ANP32E: variants seen among roughly 807,000 people sequenced by gnomAD.
The protein encoded by ANP32E is acidic nuclear phosphoprotein 32 family member E, also known as acidic leucine-rich nuclear phosphoprotein 32 family member E.
A neutral mutation model predicts 35.3 loss-of-function variants in ANP32E; 14 were observed. That is an observed-to-expected ratio of 0.40 (90% confidence interval 0.26 to 0.62). The LOEUF (loss-of-function observed/expected upper bound fraction) is 0.62. Among genes scored for constraint, ANP32E ranks in the 20% least tolerant of loss-of-function variants. The probability of loss-of-function intolerance (pLI) is 0.45; values close to 1 mark genes in which losing one functional copy is unlikely to be tolerated. For synonymous variants in ANP32E, 89 were observed against 110.4 expected (o/e 0.81, Z 1.22); for missense variants, 198 against 304.4 (o/e 0.65, Z 2.60).
intron 5 of ANP32E, among the ~76,000 whole-genome samples, chr1:150,225,434 C>A (rs587709973): frequency 2.0e-5 from 3 of 151,978 alleles, no homozygotes; most frequent in African/African-American, 7.2e-5. Context: ...CTGTGGGATG[C>A]CAAGGTGGGC....
intron 3 of ANP32E, 30 bp downstream of exon 3, chr1:150,230,540 GC>G (rs1421596603): frequency 6.5e-7 from 1 of 1,528,406 alleles, no homozygotes; most frequent in Non-Finnish European, 8.8e-7. Context: ...ACCAAAAAAA[GC>G]AAGTCCAGAG....
intron 5 of ANP32E, among the ~76,000 whole-genome samples, chr1:150,223,568 C>G (rs1553838790): frequency 6.6e-6 from 1 of 150,394 alleles, no homozygotes; most frequent in Non-Finnish European, 1.5e-5. Flanking sequence ...GTAATCCCAG[C>G]TACTCGGGAG....
At position 150,220,746 on chromosome 1, in the gene ANP32E, C is replaced by A; in HGVS notation, c.752G>T (p.Arg251Leu). 1 of 1,613,784 alleles carries A rather than the reference C, an allele frequency of 6.2e-7. No homozygotes were observed. Among genetic ancestry groups the A allele is most frequent in the Non-Finnish European group, 8.5e-7 (1 of 1,179,814 alleles). ...EEEEEEEGGL[R>L]GEKRKRDAED... ...AGCATCTCGTTTCCTCTTCTCCCCT[C>A]GAAGACCTCCTTCTTCTTAAAGAGT... The change falls in exon 7 of 7, where the codon CGA becomes CTA. Residue 251 changes from arginine (R) to leucine (L), a missense_variant. Around this residue, in one of 4 missense-constraint regions of ANP32E, gnomAD observed 121 missense variants for 137.3 expected, o/e 0.88. Transcript: ENST00000583931.
intron 1 of ANP32E, chr1:150,234,800 G>A (rs1649647179): frequency 2.6e-6 from 1 of 378,996 alleles, no homozygotes; most frequent in Non-Finnish European, 3.6e-6. Flanking sequence ...AAAAGGAGGC[G>A]GAAACGCCTC....
At chr1:150,234,775 G>T (rs978572023) in intron 1 of ANP32E, 2 of 643,330 alleles carry the variant, frequency 3.1e-6, no homozygotes, top group Non-Finnish European at 3.9e-6. Context: ...AGGTGAGGCC[G>T]AGAAGGCAAC....
chr1:150,221,080 A>C (rs1648313267), intron 6 of ANP32E, among the ~76,000 whole-genome samples: 1 of 127,478 alleles, frequency 7.8e-6, no homozygotes, highest in Non-Finnish European at 1.6e-5. Context: ...GCGCCACTGC[A>C]CTCCAGCCTG....
In ANP32E at chr1:150,219,550, C is replaced by T. The variant is rs1466363636; in HGVS notation, c.*1141G>A. ...GTGGTATCCAAATCATTTGAGAGGC[C>T]AACATTAAAATTTGACTTTAATGTC... is the stretch of plus-strand genomic sequence containing the variant. On this transcript the variant is annotated 3_prime_UTR_variant, in exon 7 of 7. Coordinates refer to ENST00000583931, the MANE Select transcript of ANP32E (RefSeq NM_030920.5). 1 of 151,978 alleles carries T rather than the reference C, an allele frequency of 6.6e-6. No individual in the cohort carries two copies. The highest frequency in any genetic ancestry group is 2.4e-5 in the African/African-American group (1 of 41,346). 9.4% of individuals were successfully genotyped at this position (151,978 alleles called of 1,614,324 possible).
At chr1:150,228,831 T>A (rs1649099215) in intron 4 of ANP32E, among the ~76,000 whole-genome samples, 1 of 152,198 alleles carries the variant, frequency 6.6e-6, no homozygotes, top group African/African-American at 2.4e-5. Context: ...TGTACAACTT[T>A]CTACAGATAT....
rs1648283166 is a variant in ANP32E at position 150,220,763 on chromosome 1, T to C, written c.737-2A>G. ...TCTCCCCTCGAAGACCTCCTTCTTC[T>C]TAAAGAGTGGAAAGAAAAATGCAAA... On this transcript the variant is annotated splice_acceptor_variant, in intron 6 of 6. Transcript: ENST00000583931. LOFTEE classifies it high-confidence loss of function. The C allele has an allele frequency of 6.2e-7, 1 of 1,612,952 alleles. No homozygotes were observed. Among genetic ancestry groups the C allele is most frequent in the Non-Finnish European group, 8.5e-7 (1 of 1,179,298 alleles).
intron 6 of ANP32E, among the ~76,000 whole-genome samples, chr1:150,221,192 C>T (rs1271920187): frequency 2.7e-5 from 4 of 147,084 alleles, no homozygotes; most frequent in African/African-American, 1.0e-4. Flanking sequence ...AATTCCAATA[C>T]CTTGGGAGGC....
At chr1:150,228,008 C>T (rs1274282469) in intron 4 of ANP32E, among the ~76,000 whole-genome samples, 1 of 151,494 alleles carries the variant, frequency 6.6e-6, no homozygotes, top group African/African-American at 2.4e-5. Context: ...CATCAAGCAA[C>T]CAATAATCTA....
intron 2 of ANP32E, 130 bp downstream of exon 2, chr1:150,231,646 AT>A (rs113913866): frequency 0.27 from 251,602 of 923,000 alleles, 40,156 homozygotes; most frequent in East Asian, 0.54. Flanking sequence ...AAAATCCTAT[AT>A]AACTTTTTCT....
intron 6 of ANP32E, among the ~76,000 whole-genome samples, chr1:150,221,369 G>C (rs1553837812): frequency 6.7e-6 from 1 of 150,154 alleles, no homozygotes; most frequent in African/African-American, 2.5e-5. Flanking sequence ...AACCCAGGAG[G>C]CAGAGGCTGC....
chr1:150,224,375 C>A (rs1211596791), intron 5 of ANP32E, among the ~76,000 whole-genome samples: 1 of 152,008 alleles, frequency 6.6e-6, no homozygotes, highest in Non-Finnish European at 1.5e-5. Flanking sequence ...GAGTTCAAGA[C>A]CAGCCTGGCC....
At chr1:150,229,298 C>A in intron 3 of ANP32E, 61 bp from the exon 4 acceptor site, 18 of 429,528 alleles carry the variant, frequency 4.2e-5, no homozygotes, top group Middle Eastern at 7.9e-4. Flanking sequence ...TTTCTTTTTT[C>A]TTTTTTTTTT....
chr1:150,234,902 A>G (rs2101800533), intron 1 of ANP32E, among the ~76,000 whole-genome samples: 1 of 152,322 alleles, frequency 6.6e-6, no homozygotes, highest in African/African-American at 2.4e-5. Flanking sequence ...AGAGCGCATC[A>G]TTTAGTTTCG....
rs1280700524 is a variant in ANP32E at position 150,230,133 on chromosome 1, C to A, written c.327+438G>T. On this transcript the variant is annotated intron_variant, in intron 3 of 6. Coordinates refer to ENST00000583931, the MANE Select transcript of ANP32E (RefSeq NM_030920.5). The stretch of plus-strand genomic sequence containing the variant: ...GACTCAAGCGATCCTCCCACCTCTG[C>A]CTCTCCAAGTGCTGGGATTACAGAC... Among the ~76,000 whole-genome samples, 3 of 152,122 alleles carry A rather than the reference C, an allele frequency of 2.0e-5. No individual in the cohort carries two copies. In the East Asian group the frequency reaches 5.8e-4, roughly 29 times the overall value.
In ANP32E at chr1:150,235,574, A is replaced by G. The variant is rs1360807624; in HGVS notation, c.54+159T>C. 2.0e-5 allele frequency among the ~76,000 whole-genome samples: 3 copies of G among 152,216 alleles called. No individual in the cohort carries two copies. Among genetic ancestry groups the G allele is most frequent in the Non-Finnish European group, 4.4e-5 (3 of 68,034 alleles). ...TCGCCATTTTAAGTAGAAGATTTTA[A>G]TGATTTAAAACTTAAAATTAAACAT... is the stretch of plus-strand genomic sequence containing the variant. On this transcript the variant is annotated intron_variant, in intron 1 of 6. Coordinates refer to ENST00000583931, the MANE Select transcript of ANP32E (RefSeq NM_030920.5). This position sits in a 1 kb window ranked among gnomAD's most constrained non-coding sequence, Gnocchi z 4.2.
At position 150,221,592 on chromosome 1, in the gene ANP32E, G is replaced by GGAAGGAAGGAAGGAA. The variant is rs1572005686; in HGVS notation, c.737-832_737-831insTTCCTTCCTTCCTTC. ...AAGGAGAGTGGGAGGAAGGGAGGGA[G>GGAAGGAAGGAAGGAA]GGAGGGAGGGAGGGAAGGAAGGAAG... On this transcript the variant is annotated intron_variant, in intron 6 of 6. Coordinates refer to ENST00000583931, the MANE Select transcript of ANP32E (RefSeq NM_030920.5). Among the ~76,000 whole-genome samples, 7 of 1,946 alleles carry GGAAGGAAGGAAGGAA rather than the reference G, an allele frequency of 3.6e-3. 2 individuals are homozygous for GGAAGGAAGGAAGGAA. The highest frequency in any genetic ancestry group is 4.5e-3 in the Non-Finnish European group (5 of 1,118). 1.3% of individuals were successfully genotyped at this position (1,946 alleles called of 152,430 possible). A position where few individuals can be genotyped will look rare whatever the true frequency, so the allele number is the denominator to read the frequency against.
Sources: gnomAD v4.1 joint callset for allele counts (sites outside exome capture counted in the v4.1 genomes callset) on GRCh38, gnomAD v4.1.1 for gene constraint, gnomAD v4.1.1 regional missense constraint, Gnocchi (gnomAD v3.1) non-coding constraint, MANE v1.5 for transcripts, NCBI Gene and HGNC (gene_info 2026-07-23, HGNC 2026-07-21) for gene names.